The following CFAP251 variants were observed in gnomAD, a reference collection of about 807,000 sequenced individuals.
CFAP251 encodes the protein cilia and flagella associated protein 251.
In CFAP251, 93 loss-of-function variants were observed where a neutral mutation model predicts 126.7. The observed-to-expected ratio is 0.73, with a 90% CI of 0.62 to 0.87. The LOEUF (loss-of-function observed/expected upper bound fraction) is 0.87. Among genes scored for constraint, CFAP251 ranks in the 40% least tolerant of loss-of-function variants. The pLI is 0.00. For missense variants in CFAP251, 1,287 were observed against 1,389.2 expected (o/e 0.93, Z 1.17); for synonymous variants, 503 against 506.9 (o/e 0.99, Z 0.10).
At chr12:121,977,726 C>A (rs185190301) in intron 19 of CFAP251, among the ~76,000 whole-genome samples, 6 of 150,292 alleles carry the variant, frequency 4.0e-5, no homozygotes, top group African/African-American at 1.5e-4. Context: ...GAGGCCAAGG[C>A]GGGCGGATCA....
In CFAP251 at chr12:121,999,696, T is replaced by C. The variant is rs748796668; in HGVS notation, c.3007-20T>C. The stretch of plus-strand genomic sequence containing the variant: ...TTTCTATTTACTGTGGTCTTTTTTT[T>C]TTCCCCATCTTTCCCCTAGATTGAT... On this transcript the variant is annotated intron_variant, in intron 19 of 21. Transcript: ENST00000288912. The C allele has an allele frequency of 1.9e-6, 3 of 1,567,706 alleles. No individual in the cohort carries two copies. The highest frequency in any genetic ancestry group is 1.8e-5 in the Admixed American group (1 of 55,646).
chr12:121,944,220 T>C (rs1164010539), intron 7 of CFAP251, among the ~76,000 whole-genome samples: 3 of 152,218 alleles, frequency 2.0e-5, no homozygotes, highest in African/African-American at 7.2e-5. Context: ...TTGCAGGATC[T>C]AAAATCCAAA....
intron 5 of CFAP251, among the ~76,000 whole-genome samples, chr12:121,936,527 G>A (rs1046629159): frequency 6.8e-6 from 1 of 146,904 alleles, no homozygotes; most frequent in South Asian, 2.1e-4. Context: ...GCAAAGTGCT[G>A]GGCAAGATGA....
Position 121,967,498 on chromosome 12 carries a change from G to C in CFAP251, c.2607+429G>C, listed in dbSNP as rs573423937. On this transcript the variant is annotated intron_variant, in intron 16 of 21. Coordinates refer to ENST00000288912, the MANE Select transcript of CFAP251 (RefSeq NM_144668.6). ...CGGGTGGATCACGAGGTCAGGAGAT[G>C]GAGACCATCCTGGCTAACACGGTGA... is the stretch of plus-strand genomic sequence containing the variant. 6.7e-4 allele frequency among the ~76,000 whole-genome samples: 102 copies of C among 152,156 alleles called. 2 individuals are homozygous for C. In the South Asian group the frequency reaches 9.5e-3, roughly 14 times the overall value.
chr12:121,993,234 GC>G (rs1480505187), intron 19 of CFAP251, among the ~76,000 whole-genome samples: 2 of 134,162 alleles, frequency 1.5e-5, no homozygotes, highest in East Asian at 4.4e-4. Flanking sequence ...CTCCCGAGGT[GC>G]CGGGATTGCA....
intron 3 of CFAP251, among the ~76,000 whole-genome samples, chr12:121,928,871 A>AT (rs886352543): frequency 3.2e-4 from 48 of 150,276 alleles, no homozygotes; most frequent in East Asian, 1.2e-3. Flanking sequence ...TAATTTTTGT[A>AT]TTTTTTTTAG....
intron 8 of CFAP251, chr12:121,950,026 T>A (rs1422702914): frequency 6.6e-6 from 1 of 152,226 alleles, no homozygotes; most frequent in Non-Finnish European, 1.5e-5. Context: ...TACACAAATG[T>A]TCACAGCAGC....
intron 19 of CFAP251, among the ~76,000 whole-genome samples, chr12:121,978,438 T>TTTTA (rs1882536666): frequency 7.1e-6 from 1 of 141,694 alleles, no homozygotes; most frequent in South Asian, 2.2e-4. Flanking sequence ...GAAAACATGC[T>TTTTA]TTTTAAAGGA....
chr12:121,920,513 C>T lies in CFAP251; in HGVS notation c.-20-773C>T, dbSNP rs1399099411. On this transcript the variant is annotated intron_variant, in intron 1 of 21. Transcript: ENST00000288912. The stretch of plus-strand genomic sequence containing the variant: ...CCGGGTTCACACCATTCTCCTGCCT[C>T]AGCCTCCCGAGTAGCTGGGACTACA... 1.8e-4 allele frequency among the ~76,000 whole-genome samples: 28 copies of T among 151,968 alleles called. 1 individual carries two copies. The highest frequency in any genetic ancestry group is 3.4e-4 in the Non-Finnish European group (23 of 68,000).
rs140215837 is a variant in CFAP251 at position 121,982,578 on chromosome 12, A to G, written c.3006+6893A>G. Among the ~76,000 whole-genome samples, 183 of 152,110 alleles carry G rather than the reference A, an allele frequency of 1.2e-3. 2 individuals are homozygous for G. Among genetic ancestry groups the G allele is most frequent in the African/African-American group, 4.0e-3 (167 of 41,496 alleles). On this transcript the variant is annotated intron_variant, in intron 19 of 21. Coordinates refer to ENST00000288912, the MANE Select transcript of CFAP251 (RefSeq NM_144668.6). ...TTTTTAGTAGAGACGGGGTTTCTCC[A>G]TGTTGGTCAGGCTGGTCTCAAACTC...
intron 20 of CFAP251, among the ~76,000 whole-genome samples, chr12:122,000,546 T>TCA (rs1372446519): frequency 4.0e-4 from 36 of 90,536 alleles, no homozygotes; most frequent in Non-Finnish European, 8.4e-4. Context: ...AGCGAGACTG[T>TCA]CAAAAAAAAA....
At chr12:121,995,847 G>C (rs7970013) in intron 19 of CFAP251, among the ~76,000 whole-genome samples, 45 of 152,196 alleles carry the variant, frequency 3.0e-4, no homozygotes, top group African/African-American at 8.7e-4. Context: ...CTTAGATACA[G>C]CGTTAAAGGA....
intron 7 of CFAP251, chr12:121,948,719 CAAA>C (rs940208790): frequency 5.4e-4 from 97 of 179,554 alleles, no homozygotes; most frequent in South Asian, 9.9e-4. Context: ...GACTCTGGCT[CAAA>C]AAAAAAAAAA....
intron 17 of CFAP251, chr12:121,968,860 T>G: frequency 1.0e-6 from 1 of 983,344 alleles, no homozygotes; most frequent in Non-Finnish European, 1.2e-6. Context: ...AGTGAATGAT[T>G]TCCTTTCGTC....
At chr12:121,928,481 G>C (rs892663499) in intron 3 of CFAP251, among the ~76,000 whole-genome samples, 2 of 151,512 alleles carry the variant, frequency 1.3e-5, no homozygotes, top group Non-Finnish European at 2.9e-5. Flanking sequence ...AATTTTATAA[G>C]TATTGTTCAA....
rs540909875 is a variant in CFAP251 at position 121,983,665 on chromosome 12, C to A, written c.3006+7980C>A. ...TTCTCCCGGCTGACCCCACCACTTCCCAAAAGGAGAGTTTCGGTGCCGCAC... is the reference window on the plus strand; with the variant it reads ...TTCTCCCGGCTGACCCCACCACTTCACAAAAGGAGAGTTTCGGTGCCGCAC... On this transcript the variant is annotated intron_variant, in intron 19 of 21. Transcript: ENST00000288912. Among the ~76,000 whole-genome samples, 25 of 152,184 alleles carry A rather than the reference C, an allele frequency of 1.6e-4. No individual in the cohort carries two copies. In the East Asian group the frequency reaches 4.4e-3, roughly 27 times the overall value.
At chr12:121,978,349 G>T (rs1197764022) in intron 19 of CFAP251, among the ~76,000 whole-genome samples, 2 of 121,126 alleles carry the variant, frequency 1.7e-5, no homozygotes, top group African/African-American at 6.7e-5. Flanking sequence ...AGCCGAGATC[G>T]TGCCACTGCA....
Position 121,961,914 on chromosome 12 carries a change from G to T in CFAP251, c.2308-64G>T, listed in dbSNP as rs1293525489. 6 of 1,523,032 alleles carry T rather than the reference G, an allele frequency of 3.9e-6. No individual in the cohort carries two copies. In the East Asian group the frequency reaches 1.1e-4, roughly 29 times the overall value. The allele number at this position is 1,523,032 out of a possible 1,614,324, so 94.3% of individuals were successfully genotyped here. A position where few individuals can be genotyped will look rare whatever the true frequency, so the allele number is the denominator to read the frequency against. On this transcript the variant is annotated intron_variant, in intron 14 of 21. Transcript: ENST00000288912. ...AAAGGCTGTCACCCAAGAGCTTGGG[G>T]TTCCTTAGCTGAGCCTTTAATTTGG...
intron 7 of CFAP251, among the ~76,000 whole-genome samples, chr12:121,945,332 C>G (rs11043259): frequency 0.45 from 39,230 of 87,394 alleles, 8,762 homozygotes; most frequent in African/African-American, 0.66. Flanking sequence ...GTTTTGTTTT[C>G]TTTTCTTTTC....
Sources: allele counts gnomAD v4.1 joint callset (sites outside exome capture counted in the v4.1 genomes callset), GRCh38; gene constraint gnomAD v4.1.1; transcripts MANE v1.5; gene names NCBI Gene and HGNC (gene_info 2026-07-23, HGNC 2026-07-21).